The following STAC variants were observed in gnomAD, a reference collection of about 807,000 sequenced individuals.
STAC encodes the protein SH3 and cysteine rich domain.
A neutral mutation model predicts 48.8 loss-of-function variants in STAC; 43 were observed. That is an observed-to-expected ratio of 0.88 (90% confidence interval 0.69 to 1.14). The LOEUF is 1.14. STAC is among the 50% of genes most tolerant of loss of function. STAC has a pLI of 0.00. For synonymous variants in STAC, 193 were observed against 179.5 expected, an observed-to-expected ratio of 1.07 and a Z score of -0.60; for missense variants, 497 against 504.0, an observed-to-expected ratio of 0.99 and a Z score of 0.13.
At chr3:36,461,744 T>C (rs1179856903) in intron 2 of STAC, among the ~76,000 whole-genome samples, 1 of 152,112 alleles carries the variant, frequency 6.6e-6, no homozygotes, top group Admixed American at 6.6e-5. Flanking sequence ...TCCAAGTGAA[T>C]GAAACAGCTA....
chr3:36,537,743 T>C (rs1198646658), intron 10 of STAC, among the ~76,000 whole-genome samples: 3 of 151,914 alleles, frequency 2.0e-5, no homozygotes, highest in African/African-American at 4.8e-5. Flanking sequence ...AAACAAAAAA[T>C]ACTGATCTAA....
At chr3:36,395,766 T>C (rs931812559) in intron 1 of STAC, among the ~76,000 whole-genome samples, 7 of 152,168 alleles carry the variant, frequency 4.6e-5, no homozygotes, top group Admixed American at 1.3e-4. Flanking sequence ...TGTTGCTTGG[T>C]CCATGTAGGT....
chr3:36,446,708 T>G (rs1276970846), intron 2 of STAC, among the ~76,000 whole-genome samples: 1 of 152,224 alleles, frequency 6.6e-6, no homozygotes, highest in Non-Finnish European at 1.5e-5. Flanking sequence ...AAGGAGATGT[T>G]TCTAAGGGAC....
At chr3:36,518,128 A>T (rs562853247) in intron 8 of STAC, among the ~76,000 whole-genome samples, 2 of 152,322 alleles carry the variant, frequency 1.3e-5, no homozygotes, top group South Asian at 4.1e-4. Flanking sequence ...GCTGATAAAA[A>T]CTTTTCAATC....
Position 36,398,324 on chromosome 3 carries a change from A to AAAGCAAGAAAGC in STAC, c.111+17573_111+17574insCAAGAAAGCAAG, listed in dbSNP as rs1553631456. ...GAAAGAAAGAAAGAAAGAAAGCAAG[A>AAAGCAAGAAAGC]AAGAAAGAAAGAAAGAAAGAAAGAA... On this transcript the variant is annotated intron_variant, in intron 1 of 10. Coordinates refer to ENST00000273183, the MANE Select transcript of STAC (RefSeq NM_003149.3). Among the ~76,000 whole-genome samples the AAAGCAAGAAAGC allele has an allele frequency of 5.9e-4, 56 of 95,692 alleles. 1 individual carries two copies. The highest frequency in any genetic ancestry group is 2.8e-3 in the South Asian group (9 of 3,210). The allele number at this position is 95,692 out of a possible 152,430, so 62.8% of individuals were successfully genotyped here. A position where few individuals can be genotyped will look rare whatever the true frequency, so the allele number is the denominator to read the frequency against.
intron 8 of STAC, among the ~76,000 whole-genome samples, chr3:36,518,017 C>T (rs960162749): frequency 3.9e-5 from 6 of 152,170 alleles, no homozygotes; most frequent in Admixed American, 6.6e-5. Flanking sequence ...ACACTTACAA[C>T]GTAACCAGTC....
Position 36,443,292 on chromosome 3 carries a change from A to T in STAC, c.112-72A>T. ...GGGGACTGTGTAGTGCACACAGCAG[A>T]CCTTACCCCCACAGCCTAGGTCTGC... is the stretch of plus-strand genomic sequence containing the variant. On this transcript the variant is annotated intron_variant, in intron 1 of 10. Coordinates refer to ENST00000273183, the MANE Select transcript of STAC (RefSeq NM_003149.3). This position sits in a 1 kb window ranked among gnomAD's most constrained non-coding sequence, Gnocchi z 4.2. 6.4e-7 allele frequency: 1 copy of T among 1,569,364 alleles called. No homozygotes were observed. Among genetic ancestry groups the T allele is most frequent in the Non-Finnish European group, 8.7e-7 (1 of 1,152,018 alleles).
intron 1 of STAC, among the ~76,000 whole-genome samples, chr3:36,381,564 C>A (rs1214513683): frequency 2.8e-5 from 4 of 143,218 alleles, no homozygotes; most frequent in South Asian, 2.3e-4. Flanking sequence ...GAGCTCCTGG[C>A]TCTTTATTCT....
intron 1 of STAC, among the ~76,000 whole-genome samples, chr3:36,392,931 C>T (rs1294499375): frequency 1.3e-5 from 2 of 152,202 alleles, no homozygotes; most frequent in Non-Finnish European, 2.9e-5. Context: ...ATTTTTCACA[C>T]ACTGAAGATG....
intron 2 of STAC, among the ~76,000 whole-genome samples, chr3:36,465,124 T>A (rs1697133048): frequency 6.6e-6 from 1 of 152,222 alleles, no homozygotes; most frequent in South Asian, 2.1e-4. Context: ...TACCAACATC[T>A]ATTTTTTAAA....
At chr3:36,407,068 A>T (rs944104964) in intron 1 of STAC, among the ~76,000 whole-genome samples, 4 of 152,240 alleles carry the variant, frequency 2.6e-5, no homozygotes, top group African/African-American at 9.6e-5. Context: ...TGTAGTAAAC[A>T]TTAAATGGAA....
intron 1 of STAC, among the ~76,000 whole-genome samples, chr3:36,405,179 G>A (rs932511957): frequency 6.6e-6 from 1 of 152,076 alleles, no homozygotes; most frequent in African/African-American, 2.4e-5. Context: ...CCTCACCTTG[G>A]GGCCACCCAT....
chr3:36,484,954 T>C, intron 3 of STAC, 23 bp from the exon 4 acceptor site: 2 of 1,580,328 alleles, frequency 1.3e-6, no homozygotes, highest in East Asian at 2.3e-5. Context: ...ATTAACCCCT[T>C]GCCTTCCTCA....
chr3:36,387,331 T>G (rs1699640079), intron 1 of STAC, among the ~76,000 whole-genome samples: 1 of 152,034 alleles, frequency 6.6e-6, no homozygotes, highest in South Asian at 2.1e-4. Flanking sequence ...ATATGCGTAA[T>G]GTAAAGTTTA....
intron 3 of STAC, 59 bp from the exon 4 acceptor site, chr3:36,484,918 G>T (rs952856881): frequency 3.5e-6 from 5 of 1,413,952 alleles, no homozygotes; most frequent in African/African-American, 2.9e-5. Context: ...GGGAGCTCTT[G>T]TATGGTTTTC....
chr3:36,453,249 T>C (rs1696738201), intron 2 of STAC, among the ~76,000 whole-genome samples: 1 of 152,222 alleles, frequency 6.6e-6, no homozygotes, highest in African/African-American at 2.4e-5. Flanking sequence ...TGGCGGCACT[T>C]GAGGAGCCCT....
chr3:36,385,181 C>A (rs1302706924), intron 1 of STAC, among the ~76,000 whole-genome samples: 2 of 151,988 alleles, frequency 1.3e-5, no homozygotes, highest in African/African-American at 2.4e-5. Flanking sequence ...TTTCTTCCAC[C>A]TAATGTTATA....
chr3:36,465,114 T>A (rs1472786565), intron 2 of STAC, among the ~76,000 whole-genome samples: 3 of 152,194 alleles, frequency 2.0e-5, no homozygotes, highest in Non-Finnish European at 4.4e-5. Flanking sequence ...ACTACATCCA[T>A]ACCAACATCT....
chr3:36,515,039 A>AAAT (rs142944670), intron 8 of STAC, among the ~76,000 whole-genome samples: 16,810 of 147,772 alleles, frequency 0.11, 1,344 homozygotes, highest in African/African-American at 0.22. Flanking sequence ...CTCTGTCTCC[A>AAAT]AATAATAATA....
Sources: gnomAD v4.1 joint callset for allele counts (sites outside exome capture counted in the v4.1 genomes callset) on GRCh38, gnomAD v4.1.1 for gene constraint, Gnocchi (gnomAD v3.1) non-coding constraint, MANE v1.5 for transcripts, NCBI Gene and HGNC (gene_info 2026-07-23, HGNC 2026-07-21) for gene names.